The following STRN3 variants were observed in gnomAD, a reference collection of about 807,000 sequenced individuals.
STRN3 encodes the protein striatin-3.
A neutral mutation model predicts 95.6 loss-of-function variants in STRN3; 29 were observed. The ratio of observed to expected loss-of-function variants is 0.30; its 90% CI spans 0.23 to 0.41. The LOEUF is 0.41. STRN3 is among the 10% of genes least tolerant of loss of function. STRN3 has a pLI of 1.00. For synonymous variants in STRN3, 331 were observed against 357.6 expected (o/e 0.93, Z 0.84); for missense variants, 890 against 972.1 (o/e 0.92, Z 1.12).
At chr14:30,932,606 G>A (rs1453046758) in intron 7 of STRN3, among the ~76,000 whole-genome samples, 2 of 152,110 alleles carry the variant, frequency 1.3e-5, no homozygotes, top group Non-Finnish European at 2.9e-5. Flanking sequence ...CACTTACACA[G>A]GAGACACAGG....
chr14:30,932,693 A>C (rs1344878477), intron 7 of STRN3, among the ~76,000 whole-genome samples: 3 of 152,208 alleles, frequency 2.0e-5, no homozygotes, highest in Non-Finnish European at 2.9e-5. Flanking sequence ...AAAAGTCTTC[A>C]GACAGAAAGA....
chr14:30,984,280 A>C (rs1881565011), intron 1 of STRN3, among the ~76,000 whole-genome samples: 1 of 149,752 alleles, frequency 6.7e-6, no homozygotes, highest in Non-Finnish European at 1.5e-5. Context: ...AAAAAAAAAA[A>C]AAAAAAAAAA....
intron 1 of STRN3, among the ~76,000 whole-genome samples, chr14:30,991,711 G>A (rs1881963206): frequency 6.6e-6 from 1 of 152,042 alleles, no homozygotes; most frequent in Admixed American, 6.6e-5. Context: ...TTGGGGGTGA[G>A]GGTGAGAGGA....
chr14:30,929,979 A>AAAAAAAAAAAAAAATAAAAAAT (rs1566441550), intron 7 of STRN3, among the ~76,000 whole-genome samples: 1 of 147,388 alleles, frequency 6.8e-6, no homozygotes, highest in African/African-American at 2.5e-5. Flanking sequence ...AAAAAAAAAA[A>AAAAAAAAAAAAAAATAAAAAAT]CTCAAATTCC....
At chr14:30,961,092 A>G (rs1329848282) in intron 1 of STRN3, among the ~76,000 whole-genome samples, 2 of 152,146 alleles carry the variant, frequency 1.3e-5, no homozygotes, top group Admixed American at 1.3e-4. Flanking sequence ...TTAAAAATTC[A>G]TTACAATTTA....
chr14:30,980,777 T>A (rs1219424375), intron 1 of STRN3, among the ~76,000 whole-genome samples: 2 of 151,756 alleles, frequency 1.3e-5, no homozygotes, highest in Admixed American at 6.6e-5. Context: ...ATTGCAAGAG[T>A]TTTCTTTAAA....
At chr14:30,912,521 A>G (rs994854295) in intron 10 of STRN3, among the ~76,000 whole-genome samples, 2 of 152,230 alleles carry the variant, frequency 1.3e-5, no homozygotes, top group African/African-American at 2.4e-5. Context: ...AAATAATTAC[A>G]TAAGTTATTA....
At chr14:30,997,616 T>C (rs1047084956) in intron 1 of STRN3, among the ~76,000 whole-genome samples, 6 of 152,242 alleles carry the variant, frequency 3.9e-5, no homozygotes, top group Admixed American at 6.5e-5. Flanking sequence ...TGGCATGTTG[T>C]GCCTCCTGTC....
chr14:30,909,811 A>G (rs935573418), intron 13 of STRN3, among the ~76,000 whole-genome samples: 2 of 152,174 alleles, frequency 1.3e-5, no homozygotes, highest in African/African-American at 4.8e-5. Flanking sequence ...GAATTTTGTG[A>G]TATGTAAATT....
chr14:30,977,964 G>A (rs1881196814), intron 1 of STRN3, among the ~76,000 whole-genome samples: 1 of 152,070 alleles, frequency 6.6e-6, no homozygotes, highest in East Asian at 1.9e-4. Flanking sequence ...TACATAAGGA[G>A]CAATAAATGA....
At chr14:30,945,838 G>T (rs1879335451) in intron 5 of STRN3, among the ~76,000 whole-genome samples, 1 of 152,120 alleles carries the variant, frequency 6.6e-6, no homozygotes. Context: ...GCCCAGGGTT[G>T]GGAGATAGGG....
chr14:30,979,643 A>G (rs958814824), intron 1 of STRN3, among the ~76,000 whole-genome samples: 1 of 152,104 alleles, frequency 6.6e-6, no homozygotes, highest in Non-Finnish European at 1.5e-5. Flanking sequence ...TCTGTCGCCC[A>G]GGCTGGAGTG....
At chr14:30,932,587 G>A (rs778190503) in intron 7 of STRN3, among the ~76,000 whole-genome samples, 6 of 152,050 alleles carry the variant, frequency 3.9e-5, no homozygotes, top group East Asian at 1.9e-4. Context: ...GGACCTTTTC[G>A]ATTACTTCCA....
At chr14:30,946,823 C>A (rs148836401) in intron 5 of STRN3, among the ~76,000 whole-genome samples, 6 of 151,648 alleles carry the variant, frequency 4.0e-5, no homozygotes, top group Non-Finnish European at 8.8e-5. Flanking sequence ...ACTAAAAATA[C>A]AAAAAATTAG....
chr14:30,899,340 A>T (rs948086208), intron 16 of STRN3, among the ~76,000 whole-genome samples: 3 of 152,192 alleles, frequency 2.0e-5, no homozygotes, highest in Non-Finnish European at 4.4e-5. Flanking sequence ...GGTCCTGAAG[A>T]TCTCTCTGAA....
In STRN3 at chr14:30,912,189, G is replaced by C. The variant is rs1896628538; in HGVS notation, c.1375-7C>G. ...CATCTTTATTAGCAGGCAACTAAAAGGAAAGAGCACAATATTTAGTGGTAA... is the reference window on the plus strand; with the variant it reads ...CATCTTTATTAGCAGGCAACTAAAACGAAAGAGCACAATATTTAGTGGTAA... On this transcript the variant is annotated splice_region_variant and splice_polypyrimidine_tract_variant and intron_variant, in intron 10 of 17. Coordinates refer to ENST00000357479, the MANE Select transcript of STRN3 (RefSeq NM_001083893.2). The C allele has an allele frequency of 1.2e-6, 2 of 1,610,196 alleles. No individual in the cohort carries two copies. The highest frequency in any genetic ancestry group is 2.7e-5 in the African/African-American group (2 of 74,874).
intron 8 of STRN3, among the ~76,000 whole-genome samples, chr14:30,924,071 G>C (rs1182018624): frequency 1.3e-5 from 2 of 151,660 alleles, no homozygotes; most frequent in African/African-American, 2.4e-5. Flanking sequence ...CTGAGTTTTA[G>C]CTTAGATATT....
intron 7 of STRN3, among the ~76,000 whole-genome samples, chr14:30,929,954 C>CAAAAAA (rs1191963792): frequency 0.013 from 507 of 39,940 alleles, 66 homozygotes; most frequent in African/African-American, 0.02. Flanking sequence ...CTAAGATTAG[C>CAAAAAA]AAAAAAAAAA....
chr14:30,896,724 T>C (rs942249774), intron 16 of STRN3, among the ~76,000 whole-genome samples: 3 of 152,162 alleles, frequency 2.0e-5, no homozygotes, highest in Non-Finnish European at 4.4e-5. Context: ...CACTTATCCT[T>C]TGAAATATAA....
Sources: gnomAD v4.1 joint callset for allele counts (sites outside exome capture counted in the v4.1 genomes callset) on GRCh38, gnomAD v4.1.1 for gene constraint, MANE v1.5 for transcripts, NCBI Gene and HGNC (gene_info 2026-07-23, HGNC 2026-07-21) for gene names.